The following CNIH3 variants were observed in gnomAD, a reference collection of about 807,000 sequenced individuals.
CNIH3 encodes the protein protein cornichon homolog 3.
CNIH3 carries 14 observed loss-of-function variants against 24.1 expected under a neutral mutation model. That is an observed-to-expected ratio of 0.58 (90% confidence interval 0.38 to 0.91). The LOEUF is 0.91. Ranked by LOEUF, CNIH3 falls within the 40% of genes least tolerant of loss-of-function variation. CNIH3 has a pLI of 0.00. For synonymous variants in CNIH3, 68 were observed against 73.8 expected, an observed-to-expected ratio of 0.92 and a Z score of 0.40; for missense variants, 178 against 196.8, an observed-to-expected ratio of 0.90 and a Z score of 0.57.
chr1:224,662,193 A>C (rs896165184), intron 1 of CNIH3, among the ~76,000 whole-genome samples: 1 of 152,224 alleles, frequency 6.6e-6, no homozygotes, highest in Non-Finnish European at 1.5e-5. Context: ...AATAATTTCA[A>C]GATTTTAAAT....
intron 4 of CNIH3, among the ~76,000 whole-genome samples, chr1:224,567,559 C>A (rs1680631078): frequency 6.6e-6 from 1 of 152,174 alleles, no homozygotes; most frequent in Non-Finnish European, 1.5e-5. Flanking sequence ...GGTGCAAAAG[C>A]AATTGCATTT....
At chr1:224,457,269 C>CTGTG (rs746876435) in intron 1 of CNIH3, among the ~76,000 whole-genome samples, 1 of 104,628 alleles carries the variant, frequency 9.6e-6, no homozygotes, top group Non-Finnish European at 1.9e-5. Context: ...GCCCTCCTCT[C>CTGTG]TCTCTCTGTG....
At chr1:224,493,911 T>C (rs1429528867) in intron 1 of CNIH3, among the ~76,000 whole-genome samples, 1 of 152,176 alleles carries the variant, frequency 6.6e-6, no homozygotes, top group Non-Finnish European at 1.5e-5. Flanking sequence ...TGCTTATCAC[T>C]GCCACAGAAC....
chr1:224,538,037 A>G (rs976673080), downstream of CNIH3, among the ~76,000 whole-genome samples: 3 of 151,006 alleles, frequency 2.0e-5, no homozygotes, highest in Admixed American at 1.3e-4. Context: ...TGCAACCTCT[A>G]CCTCCCAGGT....
intron 1 of CNIH3, among the ~76,000 whole-genome samples, chr1:224,467,427 G>A (rs76617073): frequency 0.012 from 1,848 of 151,892 alleles, 39 homozygotes; most frequent in African/African-American, 0.043. Context: ...CATAGTTTTT[G>A]TTTGTTTGTT....
At chr1:224,727,670 G>A (rs1291069623) in intron 3 of CNIH3, among the ~76,000 whole-genome samples, 3 of 152,120 alleles carry the variant, frequency 2.0e-5, no homozygotes, top group Non-Finnish European at 4.4e-5. Flanking sequence ...TTTCCATTTG[G>A]TCTAGAAGGA....
At chr1:224,486,882 C>G (rs976154176) in intron 1 of CNIH3, among the ~76,000 whole-genome samples, 1 of 152,198 alleles carries the variant, frequency 6.6e-6, no homozygotes, top group Non-Finnish European at 1.5e-5. Context: ...ATGACAGATG[C>G]AGCATTGCTG....
At chr1:224,500,430 G>A (rs1332961677) in intron 1 of CNIH3, among the ~76,000 whole-genome samples, 2 of 152,138 alleles carry the variant, frequency 1.3e-5, no homozygotes, top group African/African-American at 4.8e-5. Flanking sequence ...CCAGCACTTT[G>A]GGAGGCCGAG....
intron 1 of CNIH3, among the ~76,000 whole-genome samples, chr1:224,624,336 T>G (rs1683417119): frequency 6.6e-6 from 1 of 152,172 alleles, no homozygotes; most frequent in Non-Finnish European, 1.5e-5. Flanking sequence ...TGGGTTCTTC[T>G]TTCTGTACCT....
chr1:224,439,099 C>G (rs1426730156), intron 1 of CNIH3, among the ~76,000 whole-genome samples: 1 of 152,148 alleles, frequency 6.6e-6, no homozygotes, highest in Non-Finnish European at 1.5e-5. Context: ...TCATATTGGC[C>G]TTCCATGAGT....
chr1:224,693,170 T>G (rs1042656627), intron 3 of CNIH3, among the ~76,000 whole-genome samples: 1 of 152,168 alleles, frequency 6.6e-6, no homozygotes, highest in African/African-American at 2.4e-5. Context: ...AGAGGGAACA[T>G]TTTCCTTGAT....
At chr1:224,443,696 T>C (rs1379146567) in intron 1 of CNIH3, among the ~76,000 whole-genome samples, 1 of 119,880 alleles carries the variant, frequency 8.3e-6, no homozygotes, top group East Asian at 1.9e-4. Context: ...TCTATAGATA[T>C]AGATATATAT....
chr1:224,732,186 G>A (rs961675689), intron 4 of CNIH3, among the ~76,000 whole-genome samples: 1 of 152,158 alleles, frequency 6.6e-6, no homozygotes, highest in African/African-American at 2.4e-5. Flanking sequence ...CAGGTGGTGG[G>A]AGTCAGAATG....
intron 3 of CNIH3, among the ~76,000 whole-genome samples, chr1:224,558,844 G>C (rs974187458): frequency 1.3e-5 from 2 of 152,218 alleles, no homozygotes; most frequent in Non-Finnish European, 2.9e-5. Flanking sequence ...ACCAAATGCT[G>C]CAACTTCTGA....
chr1:224,536,680 A>G (rs1254895692), intron 2 of CNIH3, among the ~76,000 whole-genome samples: 1 of 152,200 alleles, frequency 6.6e-6, no homozygotes, highest in Non-Finnish European at 1.5e-5. Flanking sequence ...GACAGATGAA[A>G]CAAAATGGGA....
intron 3 of CNIH3, among the ~76,000 whole-genome samples, chr1:224,696,671 G>A (rs7545558): frequency 0.02 from 3,113 of 152,276 alleles, 76 homozygotes; most frequent in African/African-American, 0.055. Context: ...TGATGGAACA[G>A]CCCAATAGGT....
chr1:224,465,996 C>A (rs1225192413), intron 1 of CNIH3, among the ~76,000 whole-genome samples: 1 of 152,172 alleles, frequency 6.6e-6, no homozygotes, highest in African/African-American at 2.4e-5. Flanking sequence ...CCATTGCACT[C>A]CAGCCTGGGT....
intron 4 of CNIH3, among the ~76,000 whole-genome samples, chr1:224,731,942 G>A (rs536135016): frequency 5.9e-5 from 9 of 152,334 alleles, no homozygotes; most frequent in African/African-American, 2.2e-4. Flanking sequence ...CTGAGAGTAT[G>A]GTATGGAGGG....
chr1:224,704,546 G>A lies in CNIH3; in HGVS notation c.198+19703G>A, dbSNP rs770156814. Among the ~76,000 whole-genome samples the A allele has an allele frequency of 3.3e-5, 5 of 152,100 alleles. No individual in the cohort carries two copies. Among genetic ancestry groups the A allele is most frequent in the Non-Finnish European group, 5.9e-5 (4 of 68,036 alleles). On this transcript the variant is annotated intron_variant, in intron 3 of 5. Coordinates refer to ENST00000272133, the MANE Select transcript of CNIH3 (RefSeq NM_152495.2). The surrounding 1 kb of genome is among the most constrained non-coding windows in gnomAD (Gnocchi z 4.2). Reference sequence around the variant, plus strand: ...CACGTAGCCTTCACCAAGATCCGCCGCTTATTCAGTTTGCCACATTTGCCT... The same window carrying A: ...CACGTAGCCTTCACCAAGATCCGCCACTTATTCAGTTTGCCACATTTGCCT...
Sources: allele counts gnomAD v4.1 joint callset (sites outside exome capture counted in the v4.1 genomes callset), GRCh38; gene constraint gnomAD v4.1.1; non-coding constraint Gnocchi (gnomAD v3.1); transcripts MANE v1.5; gene names NCBI Gene and HGNC (gene_info 2026-07-23, HGNC 2026-07-21).